ATP8A2: variants seen among roughly 807,000 people sequenced by gnomAD.
ATP8A2 encodes the protein phospholipid-transporting ATPase IB.
Under a neutral mutation model 165.6 loss-of-function variants are expected in ATP8A2, and 100 were observed. That is an observed-to-expected ratio of 0.60 (90% CI 0.51 to 0.71). The LOEUF is 0.71. Ranked by LOEUF, ATP8A2 falls within the 30% of genes least tolerant of loss-of-function variation. ATP8A2 has a pLI of 0.00. For missense variants in ATP8A2, 1,227 were observed against 1,479.5 expected (o/e 0.83, Z 2.80); for synonymous variants, 543 against 548.8 (o/e 0.99, Z 0.15).
At chr13:25,723,047 A>T (rs1270485011) in intron 25 of ATP8A2, among the ~76,000 whole-genome samples, 1 of 152,242 alleles carries the variant, frequency 6.6e-6, no homozygotes, top group Non-Finnish European at 1.5e-5. Flanking sequence ...GTTCCATTGT[A>T]TGAATTTTAC....
intron 1 of ATP8A2, among the ~76,000 whole-genome samples, chr13:25,425,984 G>A (rs184065869): frequency 6.6e-6 from 1 of 152,288 alleles, no homozygotes; most frequent in African/African-American, 2.4e-5. Flanking sequence ...TGTCTGAATG[G>A]ATGACAGTTT....
chr13:25,954,605 A>G (rs1220309293), intron 33 of ATP8A2, among the ~76,000 whole-genome samples: 1 of 152,176 alleles, frequency 6.6e-6, no homozygotes, highest in Non-Finnish European at 1.5e-5. Flanking sequence ...ACCTCATACA[A>G]GAGAGCTCTG....
In ATP8A2 at chr13:25,372,554, G is replaced by T. The variant is rs1486792644; in HGVS notation, c.76+266G>T. ...CCCCGGCTCGTCCCTGTACAGATGT[G>T]TGTGTGTGTGTGCGGCCTCCCTGTG... On this transcript the variant is annotated intron_variant, in intron 1 of 36. Transcript: ENST00000381655. The surrounding 1 kb of genome is among the most constrained non-coding windows in gnomAD (Gnocchi z 4.8). Among the ~76,000 whole-genome samples the T allele has an allele frequency of 6.6e-6, 1 of 152,184 alleles. No homozygotes were observed. The highest frequency in any genetic ancestry group is 1.5e-5 in the Non-Finnish European group (1 of 68,020).
intron 16 of ATP8A2, 129 bp downstream of exon 16, chr13:25,564,160 CCTT>C (rs2039245293): frequency 2.9e-6 from 2 of 687,340 alleles, no homozygotes; most frequent in South Asian, 1.6e-5. Flanking sequence ...TGATGTGAGT[CCTT>C]CTGAGAAGTG....
At chr13:25,577,253 CTG>C in intron 20 of ATP8A2, 115 bp downstream of exon 20, 1 of 924,248 alleles carries the variant, frequency 1.1e-6, no homozygotes, top group Non-Finnish European at 1.7e-6. Context: ...AGTTGAAAGA[CTG>C]TTTCAGGTAG....
At chr13:25,844,183 CTTGT>C (rs1007675079) in intron 30 of ATP8A2, among the ~76,000 whole-genome samples, 5 of 151,708 alleles carry the variant, frequency 3.3e-5, no homozygotes, top group African/African-American at 1.2e-4. Flanking sequence ...GACTGGAGGA[CTTGT>C]TTATGTGTGC....
chr13:25,626,847 G>T (rs900043554), intron 24 of ATP8A2, among the ~76,000 whole-genome samples: 1 of 152,090 alleles, frequency 6.6e-6, no homozygotes, highest in Non-Finnish European at 1.5e-5. Context: ...GGCGAACAAA[G>T]GCATGTCTTA....
chr13:25,662,918 G>A (rs1389288782), intron 24 of ATP8A2, among the ~76,000 whole-genome samples: 1 of 152,228 alleles, frequency 6.6e-6, no homozygotes, highest in African/African-American at 2.4e-5. Flanking sequence ...TGGATGGGTG[G>A]CATCAGCCCG....
chr13:25,811,004 T>C (rs1346348914), intron 27 of ATP8A2, among the ~76,000 whole-genome samples: 1 of 152,152 alleles, frequency 6.6e-6, no homozygotes, highest in East Asian at 1.9e-4. Flanking sequence ...GATGTTATGG[T>C]ATCTTAAGGG....
intron 24 of ATP8A2, among the ~76,000 whole-genome samples, chr13:25,598,687 T>C (rs2040301204): frequency 6.6e-6 from 1 of 152,212 alleles, no homozygotes; most frequent in African/African-American, 2.4e-5. Context: ...ATTCCTCCTC[T>C]GCTAATTCCA....
intron 1 of ATP8A2, among the ~76,000 whole-genome samples, chr13:25,408,143 C>A (rs893951431): frequency 6.6e-6 from 1 of 151,718 alleles, no homozygotes. Context: ...GCCTGTAATC[C>A]CAGCACTTTG....
At position 25,727,464 on chromosome 13, in the gene ATP8A2, A is replaced by G. The variant is rs571174880; in HGVS notation, c.2384+28119A>G. 1.2e-4 allele frequency among the ~76,000 whole-genome samples: 19 copies of G among 152,254 alleles called. 1 individual carries two copies. Among genetic ancestry groups the G allele is most frequent in the Middle Eastern group, 3.4e-3 (1 of 294 alleles). ...CTGTATTTGCATTACTGAAAAGCAA[A>G]TATCTCAGGCCTTTGGACAACACGA... On this transcript the variant is annotated intron_variant, in intron 25 of 36. Transcript: ENST00000381655.
At chr13:25,489,528 T>C (rs2036456822) in intron 2 of ATP8A2, among the ~76,000 whole-genome samples, 1 of 152,218 alleles carries the variant, frequency 6.6e-6, no homozygotes, top group Non-Finnish European at 1.5e-5. Flanking sequence ...TCTCTGACTC[T>C]CCTGCTCTGC....
chr13:25,513,763 C>A (rs930273386), intron 2 of ATP8A2, among the ~76,000 whole-genome samples: 1 of 152,170 alleles, frequency 6.6e-6, no homozygotes, highest in Non-Finnish European at 1.5e-5. Context: ...GAGACCAGCC[C>A]GGGCAACACA....
chr13:25,631,267 C>T (rs950836028), intron 24 of ATP8A2, among the ~76,000 whole-genome samples: 14 of 152,174 alleles, frequency 9.2e-5, no homozygotes, highest in South Asian at 2.1e-4. Flanking sequence ...CCTCCGCTCA[C>T]GTGTGGCTAG....
chr13:26,004,392 TC>T (rs1956700180), intron 35 of ATP8A2, among the ~76,000 whole-genome samples: 1 of 152,094 alleles, frequency 6.6e-6, no homozygotes, highest in African/African-American at 2.4e-5. Flanking sequence ...ATTTACTAGT[TC>T]TAAACAGTTT....
intron 23 of ATP8A2, among the ~76,000 whole-genome samples, chr13:25,588,463 C>T (rs771604706): frequency 1.1e-4 from 16 of 152,126 alleles, no homozygotes; most frequent in African/African-American, 3.1e-4. Context: ...AGGTAAATGC[C>T]GTCTTCTTTG....
At chr13:25,528,235 A>G (rs2037903588) in intron 2 of ATP8A2, among the ~76,000 whole-genome samples, 1 of 152,222 alleles carries the variant, frequency 6.6e-6, no homozygotes, top group Non-Finnish European at 1.5e-5. Context: ...TTTCTAGCTA[A>G]TTCAGGGATA....
intron 16 of ATP8A2, chr13:25,567,368 G>A: frequency 4.4e-6 from 2 of 456,678 alleles, no homozygotes; most frequent in Non-Finnish European, 8.8e-6. Context: ...TGAGTGGAAA[G>A]AACTTTAGGA....
Sources: gnomAD v4.1 joint callset for allele counts (sites outside exome capture counted in the v4.1 genomes callset) on GRCh38, gnomAD v4.1.1 for gene constraint, Gnocchi (gnomAD v3.1) non-coding constraint, MANE v1.5 for transcripts, NCBI Gene and HGNC (gene_info 2026-07-23, HGNC 2026-07-21) for gene names.